Variants in CDH23 observed in about 807,000 individuals in gnomAD.
CDH23 encodes cadherin related 23.
CDH23 carries 189 observed loss-of-function variants against 317.1 expected under a neutral mutation model. The observed-to-expected ratio is 0.60, with a 90% CI of 0.53 to 0.67. The LOEUF is 0.67. Ranked by LOEUF, CDH23 falls within the 30% of genes least tolerant of loss-of-function variation. CDH23 has a pLI of 0.00. For missense variants in CDH23, 4,401 were observed against 4,592.4 expected (o/e 0.96, Z 1.20); for synonymous variants, 1,839 against 1,876.8 (o/e 0.98, Z 0.52).
At chr10:71,638,473 T>C (rs773621474) in intron 11 of CDH23, among the ~76,000 whole-genome samples, 2 of 152,152 alleles carry the variant, frequency 1.3e-5, no homozygotes, top group Non-Finnish European at 2.9e-5. Flanking sequence ...CCTCCCTCCC[T>C]TTGGGGGCCC....
At chr10:71,721,502 C>T (rs924459193) in intron 28 of CDH23, among the ~76,000 whole-genome samples, 1 of 152,208 alleles carries the variant, frequency 6.6e-6, no homozygotes, top group Non-Finnish European at 1.5e-5. Flanking sequence ...GATGAGAAAA[C>T]TGAGGCTCAA....
At chr10:71,434,331 T>A (rs995714879) in intron 1 of CDH23, among the ~76,000 whole-genome samples, 6 of 152,218 alleles carry the variant, frequency 3.9e-5, no homozygotes, top group Non-Finnish European at 5.9e-5. Context: ...CCAGGCAGTC[T>A]CAGCTCCCCC....
At chr10:71,530,745 A>G (rs1855327032) in intron 6 of CDH23, among the ~76,000 whole-genome samples, 1 of 152,230 alleles carries the variant, frequency 6.6e-6, no homozygotes, top group South Asian at 2.1e-4. Context: ...CTGTCCGACC[A>G]ATGCACAGCA....
At chr10:71,649,551 G>C (rs867570929) in intron 14 of CDH23, among the ~76,000 whole-genome samples, 1 of 152,074 alleles carries the variant, frequency 6.6e-6, no homozygotes, top group South Asian at 2.1e-4. Flanking sequence ...GGGTGGAAGG[G>C]CCAGACTTTC....
chr10:71,404,855 G>A (rs893137862), intron 1 of CDH23, among the ~76,000 whole-genome samples: 4 of 152,236 alleles, frequency 2.6e-5, no homozygotes, highest in African/African-American at 9.6e-5. Context: ...TAAAGGCCAT[G>A]CTCCATTTGG....
chr10:71,403,577 C>T (rs1162211265), intron 1 of CDH23, among the ~76,000 whole-genome samples: 5 of 146,810 alleles, frequency 3.4e-5, no homozygotes, highest in East Asian at 2.1e-4. Flanking sequence ...AGTGCAGTGG[C>T]GCAATCTCAG....
At chr10:71,498,221 C>T (rs72813909) in intron 3 of CDH23, among the ~76,000 whole-genome samples, 2,990 of 152,258 alleles carry the variant, frequency 0.02, 45 homozygotes, top group South Asian at 0.031. Flanking sequence ...GTTCTAGGCC[C>T]GGCTGATTCT....
intron 14 of CDH23, among the ~76,000 whole-genome samples, chr10:71,671,340 C>A (rs1168146380): frequency 6.6e-6 from 1 of 152,156 alleles, no homozygotes; most frequent in Non-Finnish European, 1.5e-5. Context: ...CTGTCACCAT[C>A]TGGCTGGCCT....
intron 3 of CDH23, among the ~76,000 whole-genome samples, chr10:71,467,333 G>C (rs746029154): frequency 1.2e-4 from 19 of 152,198 alleles, no homozygotes; most frequent in South Asian, 8.3e-4. Flanking sequence ...CCTCTGGAAG[G>C]CTTGCTGAAA....
chr10:71,782,989 A>C (rs1182574648), intron 41 of CDH23, among the ~76,000 whole-genome samples: 2 of 152,168 alleles, frequency 1.3e-5, no homozygotes, highest in Admixed American at 6.5e-5. Flanking sequence ...AGACAGGCAG[A>C]GAAAACTGTG....
At chr10:71,691,746 C>T (rs10823824) in intron 20 of CDH23, among the ~76,000 whole-genome samples, 49,387 of 152,122 alleles carry the variant, frequency 0.32, 9,629 homozygotes, top group Non-Finnish European at 0.45. Context: ...GGGAAGGGAG[C>T]AGGAATCTTT....
At position 71,797,042 on chromosome 10, in the gene CDH23, C is replaced by T. The variant is rs1003754875; in HGVS notation, c.6713-62C>T. 3.6e-6 allele frequency: 4 copies of T among 1,106,904 alleles called. No homozygotes were observed. The Admixed American group carries it at 5.8e-5, about 16-fold the overall frequency. 68.6% of individuals were successfully genotyped at this position (1,106,904 alleles called of 1,614,324 possible). ...TGGGAGGGTTTGGCCAGGAGCACCC[C>T]TGGGAAGGGCAGATTTTAGGGGGTT... On this transcript the variant is annotated intron_variant, in intron 48 of 69. Coordinates refer to ENST00000224721, the MANE Select transcript of CDH23 (RefSeq NM_022124.6).
rs772474417 is a variant in CDH23 at position 71,645,843 on chromosome 10, A to T, written c.1153A>T (p.Met385Leu). ...ACTCTTGACCCAGGGCCTGAACAGC[A>T]TGTTTGAGGTGTACTTGGTGGGGAA... ...DKDENLGLNS[M>L]FEVYLVGNNS... is the part of the protein sequence containing the mutation. Residue 385 changes from methionine to leucine, a missense_variant, in exon 13 of 70, where the codon ATG becomes TTG. Coordinates refer to ENST00000224721, the MANE Select transcript of CDH23 (RefSeq NM_022124.6). 6.2e-6 allele frequency: 10 copies of T among 1,610,716 alleles called. No homozygotes were observed. The highest frequency in any genetic ancestry group is 3.3e-5 in the South Asian group (3 of 90,928).
chr10:71,778,397 G>A, intron 40 of CDH23, 89 bp downstream of exon 40: 1 of 1,529,848 alleles, frequency 6.5e-7, no homozygotes, highest in Non-Finnish European at 8.9e-7. Flanking sequence ...GGGGTTAGGG[G>A]AAGATTGTCT....
At chr10:71,667,359 A>AGTGTGTGTGTGT (rs67337082) in intron 14 of CDH23, among the ~76,000 whole-genome samples, 276 of 112,064 alleles carry the variant, frequency 2.5e-3, no homozygotes, top group South Asian at 4.8e-3. Flanking sequence ...AGAGAGAGAG[A>AGTGTGTGTGTGT]GTGTGTGTGT....
At chr10:71,591,947 C>A (rs1859521492) in intron 9 of CDH23, among the ~76,000 whole-genome samples, 1 of 151,902 alleles carries the variant, frequency 6.6e-6, no homozygotes, top group Non-Finnish European at 1.5e-5. Flanking sequence ...GGAAAGCATC[C>A]CAAGCAGGAG....
intron 1 of CDH23, among the ~76,000 whole-genome samples, chr10:71,413,249 G>T (rs930620564): frequency 6.6e-6 from 1 of 152,116 alleles, no homozygotes; most frequent in Non-Finnish European, 1.5e-5. Flanking sequence ...TTTCCCCATT[G>T]AATGATCTTA....
At position 71,693,698 on chromosome 10, in the gene CDH23, A is replaced by T. The variant is rs138695155; in HGVS notation, c.2177-449A>T. Among the ~76,000 whole-genome samples, 339 of 152,270 alleles carry T rather than the reference A, an allele frequency of 2.2e-3. 1 individual carries two copies. The highest frequency in any genetic ancestry group is 7.8e-3 in the African/African-American group (323 of 41,544). On this transcript the variant is annotated intron_variant, in intron 20 of 69. Transcript: ENST00000224721. Reference sequence around the variant, plus strand: ...ACAATAGCCCTATGAGGTAGTTCCTATTATGGTTCCCTTTGGACCCTATGA... The same window carrying T: ...ACAATAGCCCTATGAGGTAGTTCCTTTTATGGTTCCCTTTGGACCCTATGA...
intron 11 of CDH23, among the ~76,000 whole-genome samples, chr10:71,642,011 G>A (rs368457245): frequency 6.6e-6 from 1 of 152,112 alleles, no homozygotes; most frequent in African/African-American, 2.4e-5. Flanking sequence ...TGTGAGAATC[G>A]CTTGAACCTG....
Sources: allele counts gnomAD v4.1 joint callset (sites outside exome capture counted in the v4.1 genomes callset), GRCh38; gene constraint gnomAD v4.1.1; transcripts MANE v1.5; gene names NCBI Gene and HGNC (gene_info 2026-07-23, HGNC 2026-07-21).